Variants in CERS1 observed in about 807,000 individuals in gnomAD.
The protein encoded by CERS1 is ceramide synthase 1.
CERS1 carries 16 observed loss-of-function variants against 35.7 expected under a neutral mutation model. The observed-to-expected ratio is 0.45, with a 90% CI of 0.30 to 0.68. The LOEUF is 0.68. CERS1 is among the 30% of genes least tolerant of loss of function. The probability of loss-of-function intolerance (pLI) is 0.08; values close to 1 mark genes in which losing one functional copy is unlikely to be tolerated. For missense variants in CERS1, 454 were observed against 453.9 expected (o/e 1.00, Z 0.00); for synonymous variants, 243 against 201.6 (o/e 1.21, Z -1.74).
intron 1 of CERS1, 113 bp from the exon 2 acceptor site, chr19:18,893,688 G>A: frequency 9.0e-7 from 1 of 1,117,054 alleles, no homozygotes; most frequent in Admixed American, 2.4e-5. Context: ...CACTGGGAAG[G>A]CCTGTCCCCC....
In CERS1 at chr19:18,880,448, C is replaced by T; in HGVS notation, c.591-13G>A. The stretch of plus-strand genomic sequence containing the variant: ...CACATTGTGGTACCTGGGGGAGCAG[C>T]AGGCAGAGAGGAGAGGGCAGCTCAC... On this transcript the variant is annotated splice_polypyrimidine_tract_variant and intron_variant, in intron 3 of 7. Transcript: ENST00000623882. 1.3e-6 allele frequency: 2 copies of T among 1,573,694 alleles called. No homozygotes were observed.
chr19:18,884,863 G>C (rs1051148057), intron 2 of CERS1, among the ~76,000 whole-genome samples: 1 of 151,188 alleles, frequency 6.6e-6, no homozygotes, highest in East Asian at 2.0e-4. Context: ...ACAGGCGCTG[G>C]ACACCATGCC....
intron 6 of CERS1, among the ~76,000 whole-genome samples, chr19:18,877,040 A>G (rs2056071827): frequency 6.6e-6 from 1 of 152,214 alleles, no homozygotes; most frequent in African/African-American, 2.4e-5. Flanking sequence ...GACGTCTCTC[A>G]GCCTGACTGC....
At chr19:18,884,013 C>T in intron 3 of CERS1, 74 bp downstream of exon 3, 1 of 1,484,940 alleles carries the variant, frequency 6.7e-7, no homozygotes, top group South Asian at 1.3e-5. Flanking sequence ...CTCCTCTGTG[C>T]CCCGCCGCAA....
chr19:18,884,194 G>A lies in CERS1; in HGVS notation c.483C>T (p.His161=). 1 of 1,613,718 alleles carries A rather than the reference G, an allele frequency of 6.2e-7. No individual in the cohort carries two copies. The highest frequency in any genetic ancestry group is 8.5e-7 in the Non-Finnish European group (1 of 1,179,840). The stretch of plus-strand genomic sequence containing the variant: ...CCATGTATAGCGTAGCGTAGATGGA[G>A]TGGCCATAGAAGCTTCCCTGGAGCA... The part of the protein sequence containing the change: ...AYLLQGSFYG[H]SIYATLYMDT... Residue 161 remains histidine, a synonymous_variant, in exon 3 of 8, where the codon CAC becomes CAT. Transcript: ENST00000623882.
chr19:18,875,542 C>CAA (rs886609723), intron 6 of CERS1, among the ~76,000 whole-genome samples: 5 of 97,356 alleles, frequency 5.1e-5, no homozygotes, highest in African/African-American at 7.4e-5. Flanking sequence ...GACACTGTCT[C>CAA]AAAAAAAAAA....
intron 2 of CERS1, among the ~76,000 whole-genome samples, chr19:18,887,522 A>G (rs535380021): frequency 1.3e-5 from 2 of 152,314 alleles, no homozygotes; most frequent in Admixed American, 1.3e-4. Context: ...AGGCAGGTGG[A>G]TCACCTGAGG....
intron 3 of CERS1, chr19:18,881,695 T>G (rs1362641170): frequency 1.3e-5 from 2 of 152,372 alleles, no homozygotes; most frequent in Non-Finnish European, 2.9e-5. Flanking sequence ...CCACAGGTCC[T>G]TTGCACGTGC....
rs1404753439 is a variant in CERS1, at chr19:18,895,875, G to T, written c.198C>A (p.Gly66=). 6 of 1,284,706 alleles carry T rather than the reference G, an allele frequency of 4.7e-6. No homozygotes were observed. Among genetic ancestry groups the T allele is most frequent in the Non-Finnish European group, 4.9e-6 (5 of 1,017,074 alleles). 79.6% of individuals were successfully genotyped at this position (1,284,706 alleles called of 1,614,324 possible). Residue 66 remains glycine, a synonymous_variant, in exon 1 of 8, where the codon GGC becomes GGA. Coordinates refer to ENST00000623882, the MANE Select transcript of CERS1 (RefSeq NM_021267.5). The surrounding 1 kb of genome is among the most constrained non-coding windows in gnomAD (Gnocchi z 6.4). ...APPELLLLAL[G]ALGWTALRSA... ...AGCGCAGGGCGGTCCAGCCCAGCGC[G>T]CCGAGCGCCAGCAGCAGCAGCTCGG...
intron 1 of CERS1, among the ~76,000 whole-genome samples, chr19:18,893,866 T>C (rs1279718052): frequency 2.1e-5 from 3 of 140,794 alleles, no homozygotes; most frequent in Non-Finnish European, 4.6e-5. Flanking sequence ...GGGCTTACGA[T>C]GAGGGAGACG....
At chr19:18,884,709 C>CT (rs36074874) in intron 2 of CERS1, among the ~76,000 whole-genome samples, 20,904 of 68,940 alleles carry the variant, frequency 0.3, 4,816 homozygotes, top group Admixed American at 0.42. Flanking sequence ...GCCCAGCCGT[C>CT]TTTTTTTTTT....
rs1240931265 is a variant in CERS1, at chr19:18,870,273, T to C, written c.*304A>G. The C allele has an allele frequency of 1.3e-6, 2 of 1,548,432 alleles. No homozygotes were observed. The highest frequency in any genetic ancestry group is 1.2e-5 in the South Asian group (1 of 84,258). On this transcript the variant is annotated 3_prime_UTR_variant, in exon 7 of 8. Coordinates refer to ENST00000623882, the MANE Select transcript of CERS1 (RefSeq NM_021267.5). This position sits in a 1 kb window ranked among gnomAD's most constrained non-coding sequence, Gnocchi z 5.1. ...CAGCAGGGCCAGGAGGAGGAGGAGG[T>C]GGTGGCCGCAGGGACCTTGCTGCGG...
At chr19:18,874,611 G>A (rs1244603307) in intron 6 of CERS1, among the ~76,000 whole-genome samples, 1 of 152,242 alleles carries the variant, frequency 6.6e-6, no homozygotes, top group African/African-American at 2.4e-5. Context: ...GCCCCTGAGA[G>A]GGCAATGGGG....
In CERS1 at chr19:18,868,824, C is replaced by T. The variant is rs1377423780; in HGVS notation, c.*1161G>A. 2 of 1,457,320 alleles carry T rather than the reference C, an allele frequency of 1.4e-6. No individual in the cohort carries two copies. The highest frequency in any genetic ancestry group is 1.5e-5 in the African/African-American group (1 of 67,544). 90.3% of individuals were successfully genotyped at this position (1,457,320 alleles called of 1,614,324 possible). ...AGCGCGACGGGCAGCGCGCACTGAC[C>T]CTGGCAGTAGTTGGCCAGGAAGCCG... is the stretch of plus-strand genomic sequence containing the variant. On this transcript the variant is annotated 3_prime_UTR_variant, in exon 8 of 8. Coordinates refer to ENST00000623882, the MANE Select transcript of CERS1 (RefSeq NM_021267.5).
At position 18,877,164 on chromosome 19, in the gene CERS1, C is replaced by T. The variant is rs867685397; in HGVS notation, c.1010+1766G>A. ...TCATCACAGGGTGTTCCCTGATACT[C>T]TCTGGCACTTCTGTACAGGGTGCAT... On this transcript the variant is annotated intron_variant, in intron 6 of 7. Coordinates refer to ENST00000623882, the MANE Select transcript of CERS1 (RefSeq NM_021267.5). Among the ~76,000 whole-genome samples the T allele has an allele frequency of 3.9e-5, 6 of 152,350 alleles. No homozygotes were observed. The South Asian group carries it at 1.2e-3, about 32-fold the overall frequency.
chr19:18,873,672 C>T (rs1277816479), intron 6 of CERS1, among the ~76,000 whole-genome samples: 1 of 151,312 alleles, frequency 6.6e-6, no homozygotes, highest in Non-Finnish European at 1.5e-5. Flanking sequence ...AACCTCATCT[C>T]TACTAAAAAA....
rs1568309267 is a variant in CERS1 at position 18,895,581 on chromosome 19, CG to C, written c.249+242del. On this transcript the variant is annotated intron_variant, in intron 1 of 7. Transcript: ENST00000623882. The surrounding 1 kb of genome is among the most constrained non-coding windows in gnomAD (Gnocchi z 6.4). The stretch of plus-strand genomic sequence containing the variant: ...ACTCACCCCAGCCCGGCCACACCCC[CG>C]CATCTACCCGGTTCCCCCACGCAGC... Among the ~76,000 whole-genome samples the C allele has an allele frequency of 6.6e-6, 1 of 151,944 alleles. No individual in the cohort carries two copies. The highest frequency in any genetic ancestry group is 2.4e-5 in the African/African-American group (1 of 41,368).
chr19:18,877,776 A>G (rs2056087226), intron 6 of CERS1: 1 of 151,486 alleles, frequency 6.6e-6, no homozygotes, highest in Admixed American at 7.1e-5. Context: ...AAAAAAAAAG[A>G]ATTCTTGACT....
chr19:18,891,853 G>A (rs1269280683), intron 2 of CERS1, among the ~76,000 whole-genome samples: 1 of 149,102 alleles, frequency 6.7e-6, no homozygotes, highest in Non-Finnish European at 1.5e-5. Context: ...TTACAGGTGT[G>A]AGCCAGTGAG....
Sources: gnomAD v4.1 joint callset for allele counts (sites outside exome capture counted in the v4.1 genomes callset) on GRCh38, gnomAD v4.1.1 for gene constraint, Gnocchi (gnomAD v3.1) non-coding constraint, MANE v1.5 for transcripts, NCBI Gene and HGNC (gene_info 2026-07-23, HGNC 2026-07-21) for gene names.